MARCHF11: variants seen among roughly 807,000 people sequenced by gnomAD.
The protein encoded by MARCHF11 is E3 ubiquitin-protein ligase MARCHF11.
Under a neutral mutation model 37.3 loss-of-function variants are expected in MARCHF11, and 29 were observed. The observed-to-expected ratio is 0.78, with a 90% CI of 0.58 to 1.06. The LOEUF is 1.06. MARCHF11 is among the 50% of genes least tolerant of loss of function. MARCHF11 has a pLI of 0.00. For synonymous variants in MARCHF11, 233 were observed against 228.0 expected, an observed-to-expected ratio of 1.02 and a Z score of -0.20; for missense variants, 482 against 533.4, an observed-to-expected ratio of 0.90 and a Z score of 0.95.
At chr5:16,178,610 T>C (rs1267452611) in intron 1 of MARCHF11, among the ~76,000 whole-genome samples, 2 of 152,218 alleles carry the variant, frequency 1.3e-5, no homozygotes, top group East Asian at 3.9e-4. Context: ...AAATTTGCAG[T>C]AAGGAAAGAC....
intron 2 of MARCHF11, among the ~76,000 whole-genome samples, chr5:16,095,258 C>A (rs766567416): frequency 6.6e-6 from 1 of 152,110 alleles, no homozygotes; most frequent in South Asian, 2.1e-4. Flanking sequence ...CAGAGTAATT[C>A]CCCGGGGTTC....
At chr5:16,155,547 G>A (rs985684762) in intron 2 of MARCHF11, among the ~76,000 whole-genome samples, 11 of 151,844 alleles carry the variant, frequency 7.2e-5, no homozygotes, top group South Asian at 2.1e-4. Context: ...ACAGTGGTGC[G>A]TGAAATAGGA....
intron 2 of MARCHF11, among the ~76,000 whole-genome samples, chr5:16,134,735 G>A (rs1340381157): frequency 6.6e-6 from 1 of 152,032 alleles, no homozygotes; most frequent in South Asian, 2.1e-4. Flanking sequence ...ATAAGAAAGT[G>A]ACTAAATAAG....
intron 2 of MARCHF11, among the ~76,000 whole-genome samples, chr5:16,126,804 G>C (rs1176080147): frequency 6.6e-6 from 1 of 152,154 alleles, no homozygotes; most frequent in Non-Finnish European, 1.5e-5. Flanking sequence ...AATTCATTGT[G>C]TGTTCCAACC....
In MARCHF11 at chr5:16,086,077, A is replaced by T. The variant is rs1736694096; in HGVS notation, c.886+4812T>A. On this transcript the variant is annotated intron_variant, in intron 3 of 3. Coordinates refer to ENST00000332432, the MANE Select transcript of MARCHF11 (RefSeq NM_001102562.3). ...TACAGCATGGTCCCTAAAGGCAAAA[A>T]TTGGTAACAACATACAAATTCATCA... Among the ~76,000 whole-genome samples, 3 of 152,010 alleles carry T rather than the reference A, an allele frequency of 2.0e-5. No homozygotes were observed. In the South Asian group the frequency reaches 6.3e-4, roughly 32 times the overall value.
intron 2 of MARCHF11, among the ~76,000 whole-genome samples, chr5:16,169,868 C>G (rs1222536550): frequency 6.6e-6 from 1 of 152,044 alleles, no homozygotes. Context: ...TCAGAGTCAT[C>G]CCATTCTACT....
chr5:16,157,147 A>G (rs1000421905), intron 2 of MARCHF11, among the ~76,000 whole-genome samples: 2 of 151,798 alleles, frequency 1.3e-5, no homozygotes, highest in African/African-American at 2.4e-5. Flanking sequence ...AAACTTGACC[A>G]GGGAGGTAAT....
At chr5:16,095,481 G>T (rs1736852648) in intron 2 of MARCHF11, among the ~76,000 whole-genome samples, 1 of 131,598 alleles carries the variant, frequency 7.6e-6, no homozygotes, top group Non-Finnish European at 1.6e-5. Flanking sequence ...AGGAAGGAAG[G>T]AAGGGAGGGA....
Position 16,090,925 on chromosome 5 carries a change from A to G in MARCHF11, c.850T>C (p.Tyr284His), listed in dbSNP as rs1326246428. 1 of 1,610,838 alleles carries G rather than the reference A, an allele frequency of 6.2e-7. No homozygotes were observed. The highest frequency in any genetic ancestry group is 2.2e-5 in the East Asian group (1 of 44,786). Residue 284 changes from tyrosine (Y) to histidine (H), a missense_variant, in exon 3 of 4, where the codon TAT becomes CAT. Physicochemically the swap from Tyr to His is moderately conservative, Grantham distance 83. Transcript: ENST00000332432. ...AGATCCATAAAACCATACATTCCAT[A>G]GCAGATCTGAAAAAGGATGTCCTTC... Reference protein sequence around the residue: ...QRKDILFQICYGMYGFMDLVC... With the variant: ...QRKDILFQICHGMYGFMDLVC...
At chr5:16,142,195 G>A (rs1264391232) in intron 2 of MARCHF11, among the ~76,000 whole-genome samples, 1 of 152,158 alleles carries the variant, frequency 6.6e-6, no homozygotes, top group Non-Finnish European at 1.5e-5. Context: ...GGTTAAAATC[G>A]GGGGAAGGTT....
intron 2 of MARCHF11, among the ~76,000 whole-genome samples, chr5:16,151,649 A>ATGTGTGTGTG (rs58891017): frequency 0.019 from 2,562 of 131,448 alleles, 55 homozygotes; most frequent in Middle Eastern, 0.034. Flanking sequence ...CGTGAGTTGA[A>ATGTGTGTGTG]TGTGTGTGTG....
At chr5:16,147,256 T>C (rs190727585) in intron 2 of MARCHF11, among the ~76,000 whole-genome samples, 1 of 152,258 alleles carries the variant, frequency 6.6e-6, no homozygotes, top group African/African-American at 2.4e-5. Context: ...TAAAAATCAC[T>C]GCTAAAGCCA....
intron 3 of MARCHF11, among the ~76,000 whole-genome samples, chr5:16,090,195 T>A (rs1320494345): frequency 6.6e-6 from 1 of 152,180 alleles, no homozygotes; most frequent in Non-Finnish European, 1.5e-5. Context: ...GCGATGCCTG[T>A]GCACCTCACA....
At chr5:16,158,606 A>C (rs1367654906) in intron 2 of MARCHF11, among the ~76,000 whole-genome samples, 1 of 152,010 alleles carries the variant, frequency 6.6e-6, no homozygotes, top group Non-Finnish European at 1.5e-5. Context: ...GATGTTTGTC[A>C]CAGAATATAA....
chr5:16,096,404 G>A (rs1256962004), intron 2 of MARCHF11, among the ~76,000 whole-genome samples: 2 of 152,112 alleles, frequency 1.3e-5, no homozygotes, highest in African/African-American at 4.8e-5. Context: ...ACTCACATTG[G>A]ATATTATGTA....
At chr5:16,074,835 A>T (rs974798877) in intron 3 of MARCHF11, among the ~76,000 whole-genome samples, 2 of 152,238 alleles carry the variant, frequency 1.3e-5, no homozygotes, top group Admixed American at 6.5e-5. Context: ...GATTAGTGCA[A>T]TAATGAAGAT....
chr5:16,119,287 A>G (rs986695650), intron 2 of MARCHF11, among the ~76,000 whole-genome samples: 5 of 151,906 alleles, frequency 3.3e-5, no homozygotes, highest in African/African-American at 1.2e-4. Flanking sequence ...ACTTGAACCC[A>G]GGAGGCGGAG....
chr5:16,083,612 TC>T (rs1246989871), intron 3 of MARCHF11, among the ~76,000 whole-genome samples: 1 of 152,188 alleles, frequency 6.6e-6, no homozygotes, highest in Non-Finnish European at 1.5e-5. Flanking sequence ...AATGCTAATT[TC>T]TTTCTCTTTC....
chr5:16,067,533 G>T lies in MARCHF11; in HGVS notation c.1147C>A (p.His383Asn). 6.2e-7 allele frequency: 1 copy of T among 1,613,848 alleles called. No homozygotes were observed. The highest frequency in any genetic ancestry group is 8.5e-7 in the Non-Finnish European group (1 of 1,179,844). The change falls in exon 4 of 4, where the codon CAT becomes AAT. Residue 383 changes from histidine to asparagine, a missense_variant. Physicochemically the swap from His to Asn is moderately conservative, Grantham distance 68. Transcript: ENST00000332432. ...LLHLFNRMRP[H>N]EDLSEDNSSG... is the part of the protein sequence containing the mutation. ...CTGTTATCTTCTGATAAGTCTTCATGGGGCCTCATCCGATTGAACAGGTGC... is the reference window on the plus strand; with the variant it reads ...CTGTTATCTTCTGATAAGTCTTCATTGGGCCTCATCCGATTGAACAGGTGC...
Sources: gnomAD v4.1 joint callset for allele counts (sites outside exome capture counted in the v4.1 genomes callset) on GRCh38, gnomAD v4.1.1 for gene constraint, MANE v1.5 for transcripts, NCBI Gene and HGNC (gene_info 2026-07-23, HGNC 2026-07-21) for gene names.